RECQL: variants seen among roughly 807,000 people sequenced by gnomAD.
RECQL encodes the protein RecQ like helicase.
In RECQL, 73 loss-of-function variants were observed where a neutral mutation model predicts 75.8. The observed-to-expected ratio is 0.96, with a 90% CI of 0.80 to 1.17. The LOEUF (loss-of-function observed/expected upper bound fraction) is 1.17. RECQL is among the 50% of genes most tolerant of loss of function. The probability of loss-of-function intolerance (pLI) is 0.00; values close to 1 mark genes in which losing one functional copy is unlikely to be tolerated. For synonymous variants in RECQL, 248 were observed against 254.4 expected, an observed-to-expected ratio of 0.97 and a Z score of 0.24; for missense variants, 699 against 772.1, an observed-to-expected ratio of 0.91 and a Z score of 1.12.
chr12:21,500,782 C>A (rs2300212), intron 1 of RECQL, among the ~76,000 whole-genome samples: 73,852 of 151,960 alleles, frequency 0.49, 19,154 homozygotes, highest in East Asian at 0.68. Flanking sequence ...GTAGCAGGGG[C>A]TGTTTCTACC....
At chr12:21,477,353 AG>A (rs1943106118) in intron 7 of RECQL, among the ~76,000 whole-genome samples, 1 of 152,222 alleles carries the variant, frequency 6.6e-6, no homozygotes, top group African/African-American at 2.4e-5. Flanking sequence ...TTAGAAAGAA[AG>A]AAAAGACAGC....
At chr12:21,488,631 C>T (rs1943350960) in intron 4 of RECQL, among the ~76,000 whole-genome samples, 1 of 152,190 alleles carries the variant, frequency 6.6e-6, no homozygotes, top group Non-Finnish European at 1.5e-5. Flanking sequence ...TACCCCATTT[C>T]AGTGAAGAAC....
At chr12:21,483,884 T>G (rs1421621713) in intron 5 of RECQL, among the ~76,000 whole-genome samples, 4 of 152,188 alleles carry the variant, frequency 2.6e-5, no homozygotes, top group Non-Finnish European at 5.9e-5. Context: ...TAATCCTAAA[T>G]TGTTCATAAT....
intron 4 of RECQL, among the ~76,000 whole-genome samples, 163 bp from the exon 5 acceptor site, chr12:21,486,748 G>A (rs1004308356): frequency 7.9e-6 from 1 of 126,536 alleles, no homozygotes; most frequent in Non-Finnish European, 1.6e-5. Flanking sequence ...TTGGCTCATT[G>A]CAACCTCTGC....
At chr12:21,481,082 T>C (rs1943183355) in intron 6 of RECQL, among the ~76,000 whole-genome samples, 1 of 152,240 alleles carries the variant, frequency 6.6e-6, no homozygotes, top group South Asian at 2.1e-4. Context: ...ATGATAAAGA[T>C]AACTGCTAAA....
At chr12:21,499,484 A>G in intron 2 of RECQL, 71 bp downstream of exon 2, 1 of 1,376,748 alleles carries the variant, frequency 7.3e-7, no homozygotes, top group Non-Finnish European at 1.0e-6. Flanking sequence ...TTTTTAAAAC[A>G]AACTTTTTCA....
At chr12:21,497,140 G>C (rs1943523261) in intron 2 of RECQL, among the ~76,000 whole-genome samples, 1 of 152,092 alleles carries the variant, frequency 6.6e-6, no homozygotes, top group Non-Finnish European at 1.5e-5. Context: ...GGTGTCATCC[G>C]ACCCATCAAT....
chr12:21,483,226 C>T (rs557529502), intron 6 of RECQL, 150 bp downstream of exon 6: 23 of 642,252 alleles, frequency 3.6e-5, no homozygotes, highest in Non-Finnish European at 5.2e-5. Flanking sequence ...AAATTTAAAA[C>T]CCTTTTGGTT....
At chr12:21,488,988 C>A (rs1046269782) in intron 4 of RECQL, among the ~76,000 whole-genome samples, 9 of 152,186 alleles carry the variant, frequency 5.9e-5, no homozygotes, top group Admixed American at 4.6e-4. Flanking sequence ...TCTGAATGAA[C>A]ACTCTTCCTT....
intron 6 of RECQL, among the ~76,000 whole-genome samples, chr12:21,480,057 C>CA (rs1385411945): frequency 6.6e-6 from 1 of 152,084 alleles, no homozygotes; most frequent in African/African-American, 2.4e-5. Flanking sequence ...CAAGACAATA[C>CA]AAAGAGTAAA....
intron 11 of RECQL, 36 bp downstream of exon 11, chr12:21,474,805 T>C: frequency 1.3e-6 from 2 of 1,591,538 alleles, no homozygotes; most frequent in Non-Finnish European, 1.7e-6. Context: ...ATATTTGCTT[T>C]AATTGATAAA....
Position 21,469,117 on chromosome 12 carries a change from A to C in RECQL, c.*1077T>G, listed in dbSNP as rs13266. 9,227 of 169,046 alleles carry C rather than the reference A, an allele frequency of 0.055. 462 individuals are homozygous for C. Among genetic ancestry groups the C allele is most frequent in the East Asian group, 0.29 (1,727 of 6,008 alleles). 10.5% of individuals were successfully genotyped at this position (169,046 alleles called of 1,614,324 possible). A position where few individuals can be genotyped will look rare whatever the true frequency, so the allele number is the denominator to read the frequency against. On this transcript the variant is annotated 3_prime_UTR_variant, in exon 15 of 15. Coordinates refer to ENST00000444129, the MANE Select transcript of RECQL (RefSeq NM_002907.4). ...TAGAACCATTCTTTGTGAAATGTCA[A>C]AATATGGCTATGGTTTCAGGAACTT...
At position 21,475,657 on chromosome 12, in the gene RECQL, T is replaced by C. The variant is rs1217943060; in HGVS notation, c.1098+19A>G. 3.1e-6 allele frequency: 5 copies of C among 1,612,012 alleles called. No homozygotes were observed. Among genetic ancestry groups the C allele is most frequent in the South Asian group, 2.2e-5 (2 of 90,782 alleles). ...ATTTTAAAGGTAAATTAGGCTTCTA[T>C]GGAAGATATAGACCTAACCTGAATT... On this transcript the variant is annotated intron_variant, in intron 9 of 14. Transcript: ENST00000444129.
chr12:21,479,350 A>ATTT (rs11366827), intron 6 of RECQL, among the ~76,000 whole-genome samples: 63 of 116,314 alleles, frequency 5.4e-4, no homozygotes, highest in Middle Eastern at 4.4e-3. Context: ...TCATCATGTA[A>ATTT]TTTTTTTTTT....
In RECQL at chr12:21,475,832, A is replaced by G. The variant is rs372502354; in HGVS notation, c.950-8T>C. 2.6e-5 allele frequency: 42 copies of G among 1,606,072 alleles called. No individual in the cohort carries two copies. Among genetic ancestry groups the G allele is most frequent in the Non-Finnish European group, 3.2e-5 (37 of 1,174,240 alleles). On this transcript the variant is annotated splice_polypyrimidine_tract_variant and splice_region_variant and intron_variant, in intron 8 of 14. Transcript: ENST00000444129. ...AAAAACAATATATGATTCCTGCAGT[A>G]AAATATGTGCATTTGTTAGATAGAT...
intron 6 of RECQL, among the ~76,000 whole-genome samples, chr12:21,478,300 C>A (rs1158272226): frequency 5.3e-5 from 8 of 152,084 alleles, no homozygotes; most frequent in Admixed American, 5.2e-4. Flanking sequence ...TTGGTAAGGG[C>A]GGCACTGCTT....
chr12:21,484,169 T>G lies in RECQL; in HGVS notation c.502-595A>C, dbSNP rs1943246158. ...GTACTCATACAATTCTATACAATACTTAGCATATTAGATGTCATTTTTTTT... is the reference window on the plus strand; with the variant it reads ...GTACTCATACAATTCTATACAATACGTAGCATATTAGATGTCATTTTTTTT... On this transcript the variant is annotated intron_variant, in intron 5 of 14. Coordinates refer to ENST00000444129, the MANE Select transcript of RECQL (RefSeq NM_002907.4). Among the ~76,000 whole-genome samples, 5 of 152,228 alleles carry G rather than the reference T, an allele frequency of 3.3e-5. No individual in the cohort carries two copies. In the South Asian group the frequency reaches 1.0e-3, roughly 32 times the overall value.
intron 6 of RECQL, among the ~76,000 whole-genome samples, chr12:21,481,455 T>G (rs1056866138): frequency 1.3e-5 from 2 of 150,448 alleles, no homozygotes; most frequent in South Asian, 2.1e-4. Flanking sequence ...TAAGCAAGGG[T>G]GATAATCATA....
rs1177012673 is a variant in RECQL, at chr12:21,469,451, A to G, written c.*743T>C. The G allele has an allele frequency of 1.3e-5, 2 of 151,440 alleles. No homozygotes were observed. Among genetic ancestry groups the G allele is most frequent in the Non-Finnish European group, 2.9e-5 (2 of 67,908 alleles). The allele number at this position is 151,440 out of a possible 1,614,324, so 9.4% of individuals were successfully genotyped here. A position where few individuals can be genotyped will look rare whatever the true frequency, so the allele number is the denominator to read the frequency against. On this transcript the variant is annotated 3_prime_UTR_variant, in exon 15 of 15. Transcript: ENST00000444129. ...TGCGGCCCAAGACAATTCTTCTTCC[A>G]ATGTGGCTCAGGGAAGCCAAAAGAT...
Sources: allele counts gnomAD v4.1 joint callset (sites outside exome capture counted in the v4.1 genomes callset), GRCh38; gene constraint gnomAD v4.1.1; transcripts MANE v1.5; gene names NCBI Gene and HGNC (gene_info 2026-07-23, HGNC 2026-07-21).